The following LOXHD1 variants were observed in gnomAD, a reference collection of about 807,000 sequenced individuals.
LOXHD1 encodes the protein lipoxygenase homology domain-containing protein 1.
Under a neutral mutation model 248.2 loss-of-function variants are expected in LOXHD1, and 205 were observed. The ratio of observed to expected loss-of-function variants is 0.83; its 90% confidence interval spans 0.74 to 0.93. LOXHD1 has a LOEUF of 0.93. LOXHD1 is among the 40% of genes least tolerant of loss of function. LOXHD1 has a pLI of 0.00. For missense variants in LOXHD1, 2,930 were observed against 2,971.6 expected (o/e 0.99, Z 0.33); for synonymous variants, 1,113 against 1,162.8 (o/e 0.96, Z 0.87).
At chr18:46,498,975 A>G (rs186374590) in intron 37 of LOXHD1, among the ~76,000 whole-genome samples, 1 of 152,338 alleles carries the variant, frequency 6.6e-6, no homozygotes, top group African/African-American at 2.4e-5. Flanking sequence ...GAAGTCTAGA[A>G]AAGGATAGAA....
At chr18:46,548,006 A>T (rs1176666443) in intron 21 of LOXHD1, among the ~76,000 whole-genome samples, 1 of 152,188 alleles carries the variant, frequency 6.6e-6, no homozygotes, top group East Asian at 1.9e-4. Context: ...TGAGGATTAC[A>T]TGTGTTAACT....
rs1404338979 is a variant in LOXHD1 at position 46,545,424 on chromosome 18, G to A, written c.3515-3C>T. 9 of 1,538,586 alleles carry A rather than the reference G, an allele frequency of 5.8e-6. No individual in the cohort carries two copies. In the South Asian group the frequency reaches 7.2e-5, roughly 12 times the overall value. ...CACTGAGAATGTGGTAGATTTATCTGCCAAGAGAATAGTATAGAGCAATGA... is the reference window on the plus strand; with the variant it reads ...CACTGAGAATGTGGTAGATTTATCTACCAAGAGAATAGTATAGAGCAATGA... On this transcript the variant is annotated splice_region_variant and splice_polypyrimidine_tract_variant and intron_variant, in intron 22 of 40. Coordinates refer to ENST00000642948, the MANE Select transcript of LOXHD1 (RefSeq NM_001384474.1).
intron 4 of LOXHD1, among the ~76,000 whole-genome samples, chr18:46,634,610 C>T (rs1191101946): frequency 6.6e-6 from 1 of 152,046 alleles, no homozygotes; most frequent in Non-Finnish European, 1.5e-5. Flanking sequence ...GGCTTCCATC[C>T]CCAAAATATC....
intron 26 of LOXHD1, 123 bp downstream of exon 26, chr18:46,538,033 C>T (rs370815009): frequency 3.4e-6 from 3 of 874,326 alleles, no homozygotes; most frequent in East Asian, 2.7e-5. Context: ...ATGAGCTGCT[C>T]ACCTTCCTCT....
rs1196516430 is a variant in LOXHD1, at chr18:46,610,731, C to T, written c.759+45G>A. 3.3e-6 allele frequency: 5 copies of T among 1,505,362 alleles called. No individual in the cohort carries two copies. The South Asian group carries it at 3.9e-5, about 12-fold the overall frequency. 93.3% of individuals were successfully genotyped at this position (1,505,362 alleles called of 1,614,324 possible). A position where few individuals can be genotyped will look rare whatever the true frequency, so the allele number is the denominator to read the frequency against. On this transcript the variant is annotated intron_variant, in intron 6 of 40. Transcript: ENST00000642948. The stretch of plus-strand genomic sequence containing the variant: ...CAACCCTCTGAAGAACAAGAAGGCC[C>T]CCCTTCCAAGGCCACAGGGACTGCA...
chr18:46,551,802 T>C (rs959742274), intron 21 of LOXHD1, among the ~76,000 whole-genome samples: 7 of 152,176 alleles, frequency 4.6e-5, no homozygotes, highest in African/African-American at 1.7e-4. Flanking sequence ...AGACCTCAGA[T>C]CCCGGGACAC....
intron 12 of LOXHD1, among the ~76,000 whole-genome samples, chr18:46,590,200 C>A (rs939673430): frequency 2.6e-5 from 4 of 152,076 alleles, no homozygotes; most frequent in African/African-American, 9.7e-5. Context: ...GAGTCCCATT[C>A]CAGACTAACT....
intron 1 of LOXHD1, among the ~76,000 whole-genome samples, chr18:46,650,514 C>T (rs936794821): frequency 5.9e-5 from 9 of 152,194 alleles, no homozygotes; most frequent in Non-Finnish European, 7.3e-5. Flanking sequence ...CTGATTATCA[C>T]GGTAAACCTA....
intron 37 of LOXHD1, among the ~76,000 whole-genome samples, chr18:46,489,806 C>T (rs2033336056): frequency 6.6e-6 from 1 of 152,200 alleles, no homozygotes; most frequent in Non-Finnish European, 1.5e-5. Context: ...TACTTGTTTT[C>T]GTTTCTTGCA....
At chr18:46,554,159 G>A (rs1378241811) in intron 21 of LOXHD1, among the ~76,000 whole-genome samples, 4 of 152,204 alleles carry the variant, frequency 2.6e-5, no homozygotes, top group South Asian at 4.1e-4. Flanking sequence ...AGGAAGCTTC[G>A]ATCAGGGGGT....
intron 37 of LOXHD1, among the ~76,000 whole-genome samples, chr18:46,500,574 C>T (rs1376212974): frequency 6.6e-6 from 1 of 152,164 alleles, no homozygotes; most frequent in Non-Finnish European, 1.5e-5. Context: ...AACCTACCTC[C>T]CACAGACACT....
At position 46,592,564 on chromosome 18, in the gene LOXHD1, G is replaced by T. The variant is rs2038191546; in HGVS notation, c.1452C>A (p.Gly484=). The T allele has an allele frequency of 1.9e-6, 3 of 1,551,404 alleles. No individual in the cohort carries two copies. Among genetic ancestry groups the T allele is most frequent in the Non-Finnish European group, 2.6e-6 (3 of 1,146,904 alleles). The change falls in exon 11 of 41, where the codon GGC becomes GGA. Residue 484 remains glycine, a synonymous_variant. Coordinates refer to ENST00000642948, the MANE Select transcript of LOXHD1 (RefSeq NM_001384474.1). ...GCCATACTCGAATCTTATAAAACCT[G>T]CCAAGATCCGGGAGCTCAATCTATG... ...EKFRIELPDL[G]RFYKIRVWHD...
At chr18:46,511,895 T>C (rs916996048) in intron 34 of LOXHD1, among the ~76,000 whole-genome samples, 1 of 152,210 alleles carries the variant, frequency 6.6e-6, no homozygotes, top group Non-Finnish European at 1.5e-5. Context: ...CCAAGGCCAT[T>C]GAGCCTATGC....
chr18:46,487,898 C>A (rs150506546), intron 38 of LOXHD1, among the ~76,000 whole-genome samples: 4 of 150,614 alleles, frequency 2.7e-5, no homozygotes, highest in African/African-American at 1.0e-4. Flanking sequence ...TTTGCTACAG[C>A]CAGCTTAGGA....
chr18:46,560,020 G>GC, intron 19 of LOXHD1, 63 bp downstream of exon 19: 2 of 1,497,510 alleles, frequency 1.3e-6, no homozygotes, highest in Non-Finnish European at 1.8e-6. Context: ...CCCCCAGTGG[G>GC]CCCCCTTTAG....
rs1396491958 is a variant in LOXHD1, at chr18:46,477,968, G to C, written c.6342-16C>G. The C allele has an allele frequency of 1.3e-6, 2 of 1,543,026 alleles. No individual in the cohort carries two copies. The highest frequency in any genetic ancestry group is 1.8e-6 in the Non-Finnish European group (2 of 1,140,806). ...AAAGAAGTACCTGGCAGAGAGGTGG[G>C]AGAGTGGAGGGGTAGGGGCTAAGCA... On this transcript the variant is annotated splice_polypyrimidine_tract_variant and intron_variant, in intron 40 of 40. Coordinates refer to ENST00000642948, the MANE Select transcript of LOXHD1 (RefSeq NM_001384474.1).
chr18:46,538,447 G>C, intron 25 of LOXHD1, 110 bp from the exon 26 acceptor site: 1 of 1,088,448 alleles, frequency 9.2e-7, no homozygotes. Flanking sequence ...TTGCACTGGG[G>C]AACTGCTGCC....
At chr18:46,606,955 C>T (rs1416577638) in intron 6 of LOXHD1, among the ~76,000 whole-genome samples, 2 of 151,898 alleles carry the variant, frequency 1.3e-5, no homozygotes, top group African/African-American at 4.8e-5. Context: ...CACCTAAGGT[C>T]AGGAGTTCGA....
intron 3 of LOXHD1, 78 bp downstream of exon 3, chr18:46,641,878 C>T: frequency 2.9e-6 from 4 of 1,386,384 alleles, no homozygotes; most frequent in Non-Finnish European, 4.0e-6. Flanking sequence ...GTAATTCATA[C>T]CCAGAAATTG....
Sources: allele counts gnomAD v4.1 joint callset (sites outside exome capture counted in the v4.1 genomes callset), GRCh38; gene constraint gnomAD v4.1.1; transcripts MANE v1.5; gene names NCBI Gene and HGNC (gene_info 2026-07-23, HGNC 2026-07-21).